RTTN: variants seen among roughly 807,000 people sequenced by gnomAD.
RTTN encodes rotatin.
Under a neutral mutation model 269.2 loss-of-function variants are expected in RTTN, and 182 were observed. The ratio of observed to expected loss-of-function variants is 0.68; its 90% CI spans 0.60 to 0.76. The LOEUF (loss-of-function observed/expected upper bound fraction) is 0.76, where lower values mean the gene tolerates loss of function less well. Among genes scored for constraint, RTTN ranks in the 30% least tolerant of loss-of-function variants. The pLI is 0.00. For synonymous variants in RTTN, 1,006 were observed against 963.5 expected (o/e 1.04, Z -0.82); for missense variants, 2,545 against 2,608.6 (o/e 0.98, Z 0.53).
intron 11 of RTTN, among the ~76,000 whole-genome samples, chr18:70,174,713 TAA>T (rs34093447): frequency 1.2e-4 from 16 of 138,316 alleles, no homozygotes; most frequent in African/African-American, 1.8e-4. Flanking sequence ...AAGAAATGGT[TAA>T]AAAAAAAAAA....
intron 11 of RTTN, 59 bp from the exon 12 acceptor site, chr18:70,169,126 A>G: frequency 1.5e-6 from 2 of 1,292,544 alleles, no homozygotes; most frequent in Non-Finnish European, 2.1e-6. Flanking sequence ...CTTATTTTAG[A>G]GAAACATAGT....
In RTTN at chr18:70,020,732, C is replaced by A. The variant is rs773244577; in HGVS notation, c.6036G>T (p.Leu2012=). The A allele has an allele frequency of 2.5e-6, 4 of 1,613,966 alleles. No homozygotes were observed. Among genetic ancestry groups the A allele is most frequent in the Non-Finnish European group, 3.4e-6 (4 of 1,179,934 alleles). The part of the protein sequence containing the change: ...HRGAVSNSLM[L]CILKLASQMP... ...TCTGGGAAGCCAACTTTAGGATACA[C>A]AGCATCAGAGAGTTGCTCACGGCTC... is the stretch of plus-strand genomic sequence containing the variant. Residue 2012 remains leucine, a synonymous_variant, in exon 45 of 49, where the codon CTG becomes CTT. Coordinates refer to ENST00000640769, the MANE Select transcript of RTTN (RefSeq NM_173630.4).
chr18:70,205,001 T>C, intron 2 of RTTN, 127 bp downstream of exon 2: 11 of 854,916 alleles, frequency 1.3e-5, no homozygotes, highest in Non-Finnish European at 2.0e-5. Flanking sequence ...TAATTAAAAT[T>C]AAACATCTCT....
chr18:70,118,672 A>G (rs74472968), intron 26 of RTTN, among the ~76,000 whole-genome samples: 2,952 of 152,218 alleles, frequency 0.019, 96 homozygotes, highest in African/African-American at 0.066. Context: ...AAACACAGAT[A>G]TAAAAAATCC....
intron 10 of RTTN, among the ~76,000 whole-genome samples, chr18:70,186,008 A>G (rs770179476): frequency 4.0e-5 from 6 of 151,754 alleles, no homozygotes; most frequent in Admixed American, 6.6e-5. Flanking sequence ...CATAATCATC[A>G]GTCACTAGGG....
chr18:70,100,355 G>A (rs1004276356), intron 28 of RTTN, among the ~76,000 whole-genome samples: 2 of 152,212 alleles, frequency 1.3e-5, no homozygotes, highest in Non-Finnish European at 2.9e-5. Flanking sequence ...GTGAATGGGA[G>A]TTCACTCATG....
chr18:70,092,168 A>G lies in RTTN; in HGVS notation c.4085T>C (p.Ile1362Thr), dbSNP rs911390730. 3.7e-6 allele frequency: 6 copies of G among 1,613,622 alleles called. No homozygotes were observed. Among genetic ancestry groups the G allele is most frequent in the African/African-American group, 2.7e-5 (2 of 74,920 alleles). Residue 1362 changes from isoleucine to threonine, a missense_variant, in exon 30 of 49, where the codon ATT (isoleucine) becomes ACT (threonine). Coordinates refer to ENST00000640769, the MANE Select transcript of RTTN (RefSeq NM_173630.4). Reference protein sequence around the residue: ...LPLGSHSEEHIPTQQGLAWLI... With the variant: ...LPLGSHSEEHTPTQQGLAWLI... Reference sequence around the variant, plus strand: ...CCAAGCCAATCCTTGTTGAGTAGGAATATGTTCTTCACTATGACTACCCAA... The same window carrying G: ...CCAAGCCAATCCTTGTTGAGTAGGAGTATGTTCTTCACTATGACTACCCAA...
intron 40 of RTTN, among the ~76,000 whole-genome samples, chr18:70,045,938 T>A (rs1412282475): frequency 2.6e-5 from 4 of 152,226 alleles, no homozygotes; most frequent in African/African-American, 9.6e-5. Flanking sequence ...GCTATCTCAT[T>A]TTCTTTGTCC....
intron 39 of RTTN, among the ~76,000 whole-genome samples, 153 bp from the exon 40 acceptor site, chr18:70,048,341 C>A (rs1252609194): frequency 6.6e-6 from 1 of 152,122 alleles, no homozygotes; most frequent in Non-Finnish European, 1.5e-5. Context: ...CTGGTGCCAA[C>A]CAGAACTTAA....
chr18:70,154,198 C>T (rs1599804553), intron 14 of RTTN, among the ~76,000 whole-genome samples: 2 of 151,900 alleles, frequency 1.3e-5, no homozygotes, highest in Admixed American at 6.6e-5. Flanking sequence ...CTGACACATA[C>T]ATATTTATTT....
chr18:70,155,216 G>T (rs2060642467), intron 14 of RTTN, among the ~76,000 whole-genome samples: 1 of 151,868 alleles, frequency 6.6e-6, no homozygotes, highest in Non-Finnish European at 1.5e-5. Context: ...CCCTTCCAAG[G>T]TGCATCACCA....
Position 70,003,569 on chromosome 18 carries a change from C to T in RTTN, c.*582G>A, listed in dbSNP as rs2056095319. 1 of 152,196 alleles carries T rather than the reference C, an allele frequency of 6.6e-6. No individual in the cohort carries two copies. Among genetic ancestry groups the T allele is most frequent in the Non-Finnish European group, 1.5e-5 (1 of 68,058 alleles). The allele number at this position is 152,196 out of a possible 1,614,324, so 9.4% of individuals were successfully genotyped here. On this transcript the variant is annotated 3_prime_UTR_variant, in exon 49 of 49. Coordinates refer to ENST00000640769, the MANE Select transcript of RTTN (RefSeq NM_173630.4). Reference sequence around the variant, plus strand: ...ACTTACAAATCATGTACATTTACTTCCACACAGCCCTTTACAAATAATGCA... The same window carrying T: ...ACTTACAAATCATGTACATTTACTTTCACACAGCCCTTTACAAATAATGCA...
At chr18:70,046,148 C>T (rs2057485312) in intron 40 of RTTN, among the ~76,000 whole-genome samples, 1 of 152,044 alleles carries the variant, frequency 6.6e-6, no homozygotes, top group African/African-American at 2.4e-5. Context: ...ACCCTTCAAA[C>T]ACAGCACCAC....
In RTTN at chr18:70,166,070, T is replaced by C. The variant is rs117502718; in HGVS notation, c.1921A>G (p.Ile641Val). The C allele has an allele frequency of 9.0e-3, 14,507 of 1,613,612 alleles. 93 individuals are homozygous for C. Among genetic ancestry groups the C allele is most frequent in the Middle Eastern group, 0.023 (139 of 6,058 alleles). ...AAAAAACAAAACCTCACCTTCGTGA[T>C]TTCCAGACAGCAGTGGTAAGTTTCA... is the stretch of plus-strand genomic sequence containing the variant. Reference protein sequence around the residue: ...KAETYHCCLEITKECLGVHNV... With the variant: ...KAETYHCCLEVTKECLGVHNV... The change falls in exon 14 of 49, where the codon ATC becomes GTC. Residue 641 changes from isoleucine to valine, a missense_variant. Physicochemically the swap from Ile to Val is conservative, Grantham distance 29. Coordinates refer to ENST00000640769, the MANE Select transcript of RTTN (RefSeq NM_173630.4).
chr18:70,097,432 T>C (rs2059031457), intron 28 of RTTN, among the ~76,000 whole-genome samples: 1 of 152,212 alleles, frequency 6.6e-6, no homozygotes, highest in Non-Finnish European at 1.5e-5. Context: ...ACAACAGGGA[T>C]ACCTGTTTAT....
At chr18:70,138,090 C>T (rs2060167205) in intron 21 of RTTN, among the ~76,000 whole-genome samples, 1 of 152,070 alleles carries the variant, frequency 6.6e-6, no homozygotes, top group Admixed American at 6.6e-5. Context: ...ACCAGCCTGG[C>T]CAACATGGAG....
intron 40 of RTTN, among the ~76,000 whole-genome samples, chr18:70,042,329 A>G (rs1353052157): frequency 6.6e-6 from 1 of 151,654 alleles, no homozygotes; most frequent in East Asian, 1.9e-4. Context: ...ACTTCCAGGA[A>G]GAGAAAAACC....
chr18:70,070,568 T>C (rs1415200652), intron 34 of RTTN, among the ~76,000 whole-genome samples: 1 of 152,212 alleles, frequency 6.6e-6, no homozygotes. Flanking sequence ...ATTTCTCTCA[T>C]ATCAGTTGTA....
chr18:70,201,501 G>A (rs1389262927), intron 4 of RTTN, among the ~76,000 whole-genome samples: 2 of 149,286 alleles, frequency 1.3e-5, no homozygotes, highest in Admixed American at 6.6e-5. Flanking sequence ...CCAGCTACTT[G>A]GGAGGCTGAG....
Sources: gnomAD v4.1 joint callset for allele counts (sites outside exome capture counted in the v4.1 genomes callset) on GRCh38, gnomAD v4.1.1 for gene constraint, MANE v1.5 for transcripts, NCBI Gene and HGNC (gene_info 2026-07-23, HGNC 2026-07-21) for gene names.